The following CSMD1 variants were observed in gnomAD, a reference collection of about 807,000 sequenced individuals.
CSMD1 encodes the protein CUB and Sushi multiple domains 1.
In CSMD1, 213 loss-of-function variants were observed where a neutral mutation model predicts 417.5. That is an observed-to-expected ratio of 0.51 (90% confidence interval 0.46 to 0.57). CSMD1 has a LOEUF of 0.57. CSMD1 is among the 20% of genes least tolerant of loss of function. The pLI is 0.00. For synonymous variants in CSMD1, 2,862 were observed against 1,736.8 expected (o/e 1.65, Z -16.11); for missense variants, 6,923 against 4,529.7 (o/e 1.53, Z -15.17).
At chr8:4,138,140 C>G (rs1803550284) in intron 3 of CSMD1, among the ~76,000 whole-genome samples, 3 of 140,420 alleles carry the variant, frequency 2.1e-5, no homozygotes, top group South Asian at 4.5e-4. Flanking sequence ...TGGTCTCAAT[C>G]TCCTGACCTC....
chr8:3,682,815 G>A (rs1799733292), intron 7 of CSMD1, among the ~76,000 whole-genome samples: 2 of 152,132 alleles, frequency 1.3e-5, no homozygotes, highest in South Asian at 2.1e-4. Context: ...ATGACAGATG[G>A]GATTAAGAAA....
chr8:4,033,959 T>C (rs1266670972), intron 3 of CSMD1, among the ~76,000 whole-genome samples: 1 of 152,214 alleles, frequency 6.6e-6, no homozygotes, highest in Admixed American at 6.5e-5. Flanking sequence ...TAGCTGCTAT[T>C]TAGTATTCAA....
intron 10 of CSMD1, among the ~76,000 whole-genome samples, chr8:3,539,508 T>C (rs978351958): frequency 5.9e-5 from 9 of 152,170 alleles, no homozygotes; most frequent in Non-Finnish European, 1.0e-4. Context: ...ATGTGCATTA[T>C]ATTATGAAGC....
chr8:3,791,325 A>G (rs1383062983), intron 5 of CSMD1, among the ~76,000 whole-genome samples: 1 of 152,228 alleles, frequency 6.6e-6, no homozygotes, highest in Non-Finnish European at 1.5e-5. Context: ...TAAGTATAGT[A>G]GAATTTCATA....
chr8:4,776,433 T>A (rs1046602352), intron 1 of CSMD1, among the ~76,000 whole-genome samples: 6 of 152,148 alleles, frequency 3.9e-5, no homozygotes, highest in Non-Finnish European at 5.9e-5. Flanking sequence ...ATTCTTCGGA[T>A]CCTCATGTTA....
At chr8:3,659,297 G>C (rs764554324) in intron 7 of CSMD1, among the ~76,000 whole-genome samples, 3 of 152,098 alleles carry the variant, frequency 2.0e-5, no homozygotes, top group Admixed American at 6.5e-5. Flanking sequence ...TCACCTTCTT[G>C]ACAAATTGTG....
chr8:4,330,717 C>A (rs11776532), intron 3 of CSMD1, among the ~76,000 whole-genome samples: 18,773 of 152,002 alleles, frequency 0.12, 1,408 homozygotes, highest in Middle Eastern at 0.18. Flanking sequence ...TTGAGGATAC[C>A]CCAATCAAGT....
intron 2 of CSMD1, among the ~76,000 whole-genome samples, chr8:4,432,943 C>T (rs560033908): frequency 6.6e-6 from 1 of 152,168 alleles, no homozygotes; most frequent in Non-Finnish European, 1.5e-5. Flanking sequence ...AGCTGCTCCC[C>T]ATGGCTCACG....
chr8:3,331,233 GTC>G (rs1806874117), intron 23 of CSMD1, among the ~76,000 whole-genome samples: 1 of 94,108 alleles, frequency 1.1e-5, no homozygotes, highest in Non-Finnish European at 2.1e-5. Flanking sequence ...ACGAGACTCC[GTC>G]TCAAAAAAAA....
chr8:4,167,512 G>A (rs11136702), intron 3 of CSMD1, among the ~76,000 whole-genome samples: 57,276 of 151,960 alleles, frequency 0.38, 11,111 homozygotes, highest in East Asian at 0.55. Context: ...TTTCTAAAAT[G>A]TATGTAGCTA....
At chr8:3,930,245 C>G (rs1027514236) in intron 5 of CSMD1, among the ~76,000 whole-genome samples, 1 of 150,350 alleles carries the variant, frequency 6.7e-6, no homozygotes, top group African/African-American at 2.5e-5. Context: ...TCTTCAAAGA[C>G]TTTCCTCCCC....
At chr8:4,569,582 C>T (rs920862110) in intron 2 of CSMD1, among the ~76,000 whole-genome samples, 7 of 152,190 alleles carry the variant, frequency 4.6e-5, no homozygotes, top group African/African-American at 7.2e-5. Flanking sequence ...TAGTATGACG[C>T]CTCCAGCTTT....
intron 2 of CSMD1, among the ~76,000 whole-genome samples, chr8:4,487,229 T>A (rs1801462860): frequency 6.6e-6 from 1 of 152,264 alleles, no homozygotes; most frequent in South Asian, 2.1e-4. Context: ...TGTGCCGGTT[T>A]GTTACATATG....
rs1299906854 is a variant in CSMD1, at chr8:3,998,127, A to G, written c.611-17T>C. The G allele has an allele frequency of 1.3e-6, 2 of 1,546,820 alleles. No homozygotes were observed. The highest frequency in any genetic ancestry group is 2.4e-5 in the East Asian group (1 of 41,120). ...CTCCCTCAGCTGCAGGGGCAAAAGCAGAAAGAAAGCATCACATTTCAGGAT... is the reference window on the plus strand; with the variant it reads ...CTCCCTCAGCTGCAGGGGCAAAAGCGGAAAGAAAGCATCACATTTCAGGAT... On this transcript the variant is annotated splice_polypyrimidine_tract_variant and intron_variant, in intron 4 of 69. Transcript: ENST00000635120.
intron 2 of CSMD1, among the ~76,000 whole-genome samples, chr8:4,627,315 A>AT (rs537316483): frequency 2.2e-4 from 34 of 152,268 alleles, no homozygotes; most frequent in Admixed American, 2.0e-3. Flanking sequence ...AAACTTGATC[A>AT]TCCACATAAA....
At chr8:4,991,021 C>A (rs1811435975) in intron 1 of CSMD1, among the ~76,000 whole-genome samples, 1 of 152,070 alleles carries the variant, frequency 6.6e-6, no homozygotes, top group South Asian at 2.1e-4. Context: ...GCTGCTCTGG[C>A]GTAGTAGTGT....
chr8:4,815,350 G>C (rs1158653741), intron 1 of CSMD1, among the ~76,000 whole-genome samples: 2 of 152,136 alleles, frequency 1.3e-5, no homozygotes, highest in Non-Finnish European at 2.9e-5. Context: ...TCCCACTGTG[G>C]ACAGAGCCAG....
At chr8:4,395,691 A>T (rs1804154925) in intron 3 of CSMD1, among the ~76,000 whole-genome samples, 2 of 152,194 alleles carry the variant, frequency 1.3e-5, no homozygotes, top group Admixed American at 1.3e-4. Flanking sequence ...CATAAACACA[A>T]ACATGTATGA....
intron 26 of CSMD1, among the ~76,000 whole-genome samples, chr8:3,233,272 G>C (rs2406453): frequency 0.069 from 10,434 of 152,034 alleles, 411 homozygotes; most frequent in South Asian, 0.11. Context: ...CGGATTTATG[G>C]GCTATCACAG....
Sources: allele counts gnomAD v4.1 joint callset (sites outside exome capture counted in the v4.1 genomes callset), GRCh38; gene constraint gnomAD v4.1.1; transcripts MANE v1.5; gene names NCBI Gene and HGNC (gene_info 2026-07-23, HGNC 2026-07-21).